The following TGFB2 variants were observed in gnomAD, a reference collection of about 807,000 sequenced individuals.
TGFB2 encodes transforming growth factor beta 2.
TGFB2 carries 13 observed loss-of-function variants against 42.7 expected under a neutral mutation model. The observed-to-expected ratio is 0.30, with a 90% CI of 0.20 to 0.48. The LOEUF is 0.48. TGFB2 is among the 20% of genes least tolerant of loss of function. The probability of loss-of-function intolerance (pLI) is 0.99; values close to 1 mark genes in which losing one functional copy is unlikely to be tolerated. For missense variants in TGFB2, 390 were observed against 517.5 expected (o/e 0.75, Z 2.39); for synonymous variants, 193 against 193.6 (o/e 1.00, Z 0.03).
intron 2 of TGFB2, among the ~76,000 whole-genome samples, chr1:218,417,562 C>A (rs1659321674): frequency 6.6e-6 from 1 of 152,190 alleles, no homozygotes; most frequent in Non-Finnish European, 1.5e-5. Context: ...GAAATTGAAG[C>A]TGGATGCAAA....
At chr1:218,356,508 C>T (rs919909247) in intron 1 of TGFB2, among the ~76,000 whole-genome samples, 2 of 152,066 alleles carry the variant, frequency 1.3e-5, no homozygotes, top group African/African-American at 2.4e-5. Context: ...TGTGAGCCAC[C>T]GCACCCAGCC....
chr1:218,366,697 A>G (rs183851798), intron 1 of TGFB2, among the ~76,000 whole-genome samples: 17 of 152,324 alleles, frequency 1.1e-4, no homozygotes, highest in Admixed American at 1.3e-4. Context: ...AGAGCTGCCA[A>G]GTCAGAATCA....
rs1397400954 is a variant in TGFB2 at position 218,421,772 on chromosome 1, C to G, written c.511-12310C>G. ...AGGTCATCCTGCAGGAGGGTGGGTC[C>G]CTAATCCAGTATGACTGGTGTCCTT... is the stretch of plus-strand genomic sequence containing the variant. On this transcript the variant is annotated intron_variant, in intron 2 of 6. Transcript: ENST00000366930. 3.9e-5 allele frequency among the ~76,000 whole-genome samples: 6 copies of G among 152,194 alleles called. No individual in the cohort carries two copies. The South Asian group carries it at 1.0e-3, about 26-fold the overall frequency.
At chr1:218,398,490 A>G (rs554056695) in intron 1 of TGFB2, among the ~76,000 whole-genome samples, 3 of 152,302 alleles carry the variant, frequency 2.0e-5, no homozygotes, top group East Asian at 1.9e-4. Context: ...AGCTCATCAC[A>G]TATGAGTGAC....
chr1:218,395,199 T>C (rs150700646), intron 1 of TGFB2, among the ~76,000 whole-genome samples: 2 of 152,218 alleles, frequency 1.3e-5, no homozygotes, highest in African/African-American at 2.4e-5. Flanking sequence ...TGTATGGGGA[T>C]CTGAAAGACC....
intron 1 of TGFB2, among the ~76,000 whole-genome samples, chr1:218,388,944 C>T (rs1658226881): frequency 6.6e-6 from 1 of 152,136 alleles, no homozygotes; most frequent in East Asian, 1.9e-4. Context: ...CTTTAGAAGG[C>T]ACTCTATACA....
chr1:218,415,911 T>G (rs1258407200), intron 2 of TGFB2, among the ~76,000 whole-genome samples: 3 of 151,904 alleles, frequency 2.0e-5, no homozygotes, highest in Non-Finnish European at 2.9e-5. Flanking sequence ...ACTGTCAGGA[T>G]TTTTCTTGTC....
rs1659952399 is a variant in TGFB2, at chr1:218,435,827, C to T, written c.755-143C>T. ...AGTCCTGTTGTGCCATATCTATTTCCATGGGGAATAACTGTTGCCAGCTGA... is the reference window on the plus strand; with the variant it reads ...AGTCCTGTTGTGCCATATCTATTTCTATGGGGAATAACTGTTGCCAGCTGA... On this transcript the variant is annotated intron_variant, in intron 4 of 6. Coordinates refer to ENST00000366930, the MANE Select transcript of TGFB2 (RefSeq NM_003238.6). 4 of 784,456 alleles carry T rather than the reference C, an allele frequency of 5.1e-6. No homozygotes were observed. The Middle Eastern group carries it at 1.1e-3, about 223-fold the overall frequency. The allele number at this position is 784,456 out of a possible 1,614,324, so 48.6% of individuals were successfully genotyped here.
rs980798074 is a variant in TGFB2 at position 218,442,229 on chromosome 1, T to C, written c.*867T>C. 3.9e-5 allele frequency: 6 copies of C among 152,140 alleles called. No homozygotes were observed. The highest frequency in any genetic ancestry group is 7.4e-5 in the Non-Finnish European group (5 of 68,004). The allele number at this position is 152,140 out of a possible 1,614,324, so 9.4% of individuals were successfully genotyped here. On this transcript the variant is annotated 3_prime_UTR_variant, in exon 7 of 7. Coordinates refer to ENST00000366930, the MANE Select transcript of TGFB2 (RefSeq NM_003238.6). ...TGAAATGTTGAAATGTTTTGACATG[T>C]ACTGGTCAAACTTCAGACCTTAAAA...
chr1:218,376,309 C>T (rs550209559), intron 1 of TGFB2, among the ~76,000 whole-genome samples: 15 of 152,280 alleles, frequency 9.9e-5, no homozygotes, highest in African/African-American at 3.4e-4. Flanking sequence ...TACAACCAGG[C>T]GGAACATCAG....
At chr1:218,375,222 G>T (rs1008325243) in intron 1 of TGFB2, among the ~76,000 whole-genome samples, 16 of 151,592 alleles carry the variant, frequency 1.1e-4, no homozygotes, top group African/African-American at 2.4e-4. Flanking sequence ...TCAACCTTTG[G>T]TTTTTTTTAT....
rs182677992 is a variant in TGFB2 at position 218,441,427 on chromosome 1, C to T, written c.*65C>T. ...ATGATAATGATGATGACGACGACAA[C>T]GATGATGCTTGTAACAAGAAAACAT... On this transcript the variant is annotated 3_prime_UTR_variant, in exon 7 of 7. Coordinates refer to ENST00000366930, the MANE Select transcript of TGFB2 (RefSeq NM_003238.6). 8.3e-5 allele frequency: 124 copies of T among 1,501,316 alleles called. No homozygotes were observed. The East Asian group carries it at 2.0e-3, about 24-fold the overall frequency. The allele number at this position is 1,501,316 out of a possible 1,614,324, so 93.0% of individuals were successfully genotyped here. A position where few individuals can be genotyped will look rare whatever the true frequency, so the allele number is the denominator to read the frequency against.
chr1:218,412,958 C>T (rs889609553), intron 2 of TGFB2, among the ~76,000 whole-genome samples: 1 of 152,202 alleles, frequency 6.6e-6, no homozygotes, highest in Non-Finnish European at 1.5e-5. Flanking sequence ...ATTGCCTTTT[C>T]CCATGGGGCT....
chr1:218,368,097 G>A (rs993948970), intron 1 of TGFB2, among the ~76,000 whole-genome samples: 1 of 152,030 alleles, frequency 6.6e-6, no homozygotes, highest in African/African-American at 2.4e-5. Context: ...CACCGTGCCC[G>A]GCTGAAGAGA....
chr1:218,365,266 T>C (rs1301751441), intron 1 of TGFB2, among the ~76,000 whole-genome samples: 1 of 152,112 alleles, frequency 6.6e-6, no homozygotes, highest in African/African-American at 2.4e-5. Flanking sequence ...TTTGGAATCC[T>C]GTCCTGTTAA....
chr1:218,405,281 T>A lies in TGFB2; in HGVS notation c.459T>A (p.Arg153=). The change falls in exon 2 of 7, where the codon CGT becomes CGA. Residue 153 remains arginine (R), a synonymous_variant. Transcript: ENST00000366930. ...TGAAAGCAGAGTTCAGAGTCTTTCG[T>A]TTGCAGAACCCAAAAGCCAGAGTGC... The part of the protein sequence containing the change: ...NLVKAEFRVF[R]LQNPKARVPE... The A allele has an allele frequency of 6.2e-7, 1 of 1,614,182 alleles. No individual in the cohort carries two copies. Among genetic ancestry groups the A allele is most frequent in the Non-Finnish European group, 8.5e-7 (1 of 1,180,034 alleles).
chr1:218,356,253 T>G (rs1038336248), intron 1 of TGFB2, among the ~76,000 whole-genome samples: 4 of 152,146 alleles, frequency 2.6e-5, no homozygotes, highest in South Asian at 4.1e-4. Context: ...AGTCTCACTC[T>G]GTTGCCCAGG....
intron 1 of TGFB2, among the ~76,000 whole-genome samples, chr1:218,395,447 G>A (rs990257277): frequency 1.3e-5 from 2 of 152,132 alleles, no homozygotes; most frequent in Non-Finnish European, 2.9e-5. Flanking sequence ...GCATGTGTTG[G>A]TGTTTCTGCC....
intron 2 of TGFB2, among the ~76,000 whole-genome samples, chr1:218,410,947 G>A (rs538762969): frequency 6.6e-6 from 1 of 152,174 alleles, no homozygotes. Context: ...CTTGGAGTTG[G>A]ATAAATCCCC....
Sources: gnomAD v4.1 joint callset for allele counts (sites outside exome capture counted in the v4.1 genomes callset) on GRCh38, gnomAD v4.1.1 for gene constraint, MANE v1.5 for transcripts, NCBI Gene and HGNC (gene_info 2026-07-23, HGNC 2026-07-21) for gene names.